Variants in MARCHF2 observed in about 807,000 individuals in gnomAD.
MARCHF2 encodes E3 ubiquitin-protein ligase MARCHF2.
MARCHF2 carries 22 observed loss-of-function variants against 24.0 expected under a neutral mutation model. That is an observed-to-expected ratio of 0.92 (90% CI 0.66 to 1.31). MARCHF2 has a LOEUF of 1.31. MARCHF2 is among the 50% of genes most tolerant of loss of function. MARCHF2 has a pLI of 0.00. For missense variants in MARCHF2, 301 were observed against 335.3 expected (o/e 0.90, Z 0.80); for synonymous variants, 154 against 153.0 (o/e 1.01, Z -0.05).
At chr19:8,416,720 C>T (rs900911850) in intron 1 of MARCHF2, among the ~76,000 whole-genome samples, 7 of 151,952 alleles carry the variant, frequency 4.6e-5, no homozygotes, top group Non-Finnish European at 1.0e-4. Flanking sequence ...GCGCACATCA[C>T]CACACCCGGC....
rs370793050 is a variant in MARCHF2, at chr19:8,421,816, T to C, written c.-25T>C. The C allele has an allele frequency of 2.5e-5, 40 of 1,587,086 alleles. No homozygotes were observed. The highest frequency in any genetic ancestry group is 3.3e-5 in the Non-Finnish European group (38 of 1,165,916). Reference sequence around the variant, plus strand: ...TCCTGGAACCATGGGCCTCAGGCCCTGAGGATACGGGGCTCCCGGTGGCCA... The same window carrying C: ...TCCTGGAACCATGGGCCTCAGGCCCCGAGGATACGGGGCTCCCGGTGGCCA... On this transcript the variant is annotated 5_prime_UTR_variant, in exon 2 of 5. It removes the in-frame stop codon of an upstream open reading frame in the 5' UTR. Transcript: ENST00000215555.
At chr19:8,420,481 A>G (rs1023995547) in intron 1 of MARCHF2, among the ~76,000 whole-genome samples, 1 of 149,160 alleles carries the variant, frequency 6.7e-6, no homozygotes, top group African/African-American at 2.5e-5. Flanking sequence ...GGTTGCAGTG[A>G]GCTGAGATCG....
chr19:8,423,920 C>T lies in MARCHF2; in HGVS notation c.176+1904C>T, dbSNP rs764105493. Among the ~76,000 whole-genome samples, 77 of 145,838 alleles carry T rather than the reference C, an allele frequency of 5.3e-4. 3 individuals carry two copies. Among genetic ancestry groups the T allele is most frequent in the Admixed American group, 2.2e-4 (3 of 13,864 alleles). Reference sequence around the variant, plus strand: ...GGGAGACTGAGGCAGGAGGATCGCTCGAGCTAGGGAGTCCGAGGCTGCAGT... The same window carrying T: ...GGGAGACTGAGGCAGGAGGATCGCTTGAGCTAGGGAGTCCGAGGCTGCAGT... On this transcript the variant is annotated intron_variant, in intron 2 of 4. Coordinates refer to ENST00000215555, the MANE Select transcript of MARCHF2 (RefSeq NM_001005415.2).
intron 4 of MARCHF2, among the ~76,000 whole-genome samples, chr19:8,433,482 G>C (rs1338872509): frequency 6.6e-6 from 1 of 151,860 alleles, no homozygotes; most frequent in African/African-American, 2.4e-5. Flanking sequence ...TTCAAGACCA[G>C]CCTGACTAAC....
rs755249321 is a variant in MARCHF2 at position 8,430,834 on chromosome 19, C to A, written c.549C>A (p.Ile183=). ...LEAVGLIALT[I]ALFTIYVLWT... is the part of the protein sequence containing the mutation. ...CCGTGGGTCTCATTGCCCTCACCAT[C>A]GCCCTCTTCACCATCTATGTCCTCT... is the stretch of plus-strand genomic sequence containing the variant. The change falls in exon 4 of 5, where the codon ATC becomes ATA. Residue 183 remains isoleucine, a synonymous_variant. Coordinates refer to ENST00000215555, the MANE Select transcript of MARCHF2 (RefSeq NM_001005415.2). The surrounding 1 kb of genome is among the most constrained non-coding windows in gnomAD (Gnocchi z 4.4). 3.7e-6 allele frequency: 6 copies of A among 1,610,040 alleles called. No individual in the cohort carries two copies.
intron 2 of MARCHF2, 82 bp downstream of exon 2, chr19:8,422,098 G>T: frequency 6.8e-7 from 1 of 1,467,500 alleles, no homozygotes; most frequent in East Asian, 2.4e-5. Context: ...CCTGGGGTTA[G>T]AAGTCCAACC....
chr19:8,425,303 G>A (rs1256947389), intron 2 of MARCHF2, among the ~76,000 whole-genome samples: 1 of 151,874 alleles, frequency 6.6e-6, no homozygotes, highest in Non-Finnish European at 1.5e-5. Flanking sequence ...GGGAGGCTGA[G>A]GCAGGATAAT....
chr19:8,436,989 ATTTTT>A (rs34972879), intron 4 of MARCHF2, among the ~76,000 whole-genome samples: 1 of 134,636 alleles, frequency 7.4e-6, no homozygotes. Context: ...TGCGCCCAGC[ATTTTT>A]TTTTTTTTTT....
chr19:8,414,682 C>T (rs1967032843), intron 1 of MARCHF2, among the ~76,000 whole-genome samples: 1 of 149,360 alleles, frequency 6.7e-6, no homozygotes, highest in South Asian at 2.1e-4. Flanking sequence ...CCTCTGCCCT[C>T]TGTTTCCTAC....
intron 4 of MARCHF2, 147 bp downstream of exon 4, chr19:8,431,014 C>T (rs1260949471): frequency 2.8e-6 from 2 of 718,774 alleles, no homozygotes; most frequent in Non-Finnish European, 2.3e-6. Flanking sequence ...TCTGAGGTCA[C>T]CCTGCCTCTC....
chr19:8,432,880 A>C (rs1967618406), intron 4 of MARCHF2, among the ~76,000 whole-genome samples: 1 of 151,878 alleles, frequency 6.6e-6, no homozygotes, highest in Non-Finnish European at 1.5e-5. Flanking sequence ...ATAGCCCATG[A>C]GTTCAAGATC....
Position 8,438,917 on chromosome 19 carries a change from G to A in MARCHF2, c.*371G>A, listed in dbSNP as rs182613103. On this transcript the variant is annotated 3_prime_UTR_variant, in exon 5 of 5. Transcript: ENST00000215555. ...AAGCTTCTTGCGCTTCTCTGCACCCGGCAGGCCCACTTTCCTGGCACCCTC... is the reference window on the plus strand; with the variant it reads ...AAGCTTCTTGCGCTTCTCTGCACCCAGCAGGCCCACTTTCCTGGCACCCTC... 212 of 174,258 alleles carry A rather than the reference G, an allele frequency of 1.2e-3. No individual in the cohort carries two copies. The highest frequency in any genetic ancestry group is 2.4e-3 in the Middle Eastern group (1 of 424). 10.8% of individuals were successfully genotyped at this position (174,258 alleles called of 1,614,324 possible). A position where few individuals can be genotyped will look rare whatever the true frequency, so the allele number is the denominator to read the frequency against.
intron 2 of MARCHF2, 74 bp downstream of exon 2, chr19:8,422,090 TG>T: frequency 6.7e-7 from 1 of 1,498,966 alleles, no homozygotes. Context: ...TCTCCCAGCC[TG>T]GGGTTAGAAG....
rs759617999 is a variant in MARCHF2, at chr19:8,426,609, T to G, written c.177T>G (p.Ser59Arg). The G allele has an allele frequency of 1.2e-6, 2 of 1,613,276 alleles. No individual in the cohort carries two copies. Among genetic ancestry groups the G allele is most frequent in the South Asian group, 1.1e-5 (1 of 91,060 alleles). ...TCATGGGTCCTATCTCTGTGTCCAG[T>G]GATGGTCCTTTCTGCCGGATCTGCC... ...STVIRALDTP[S>R]DGPFCRICHE... The change falls in exon 3 of 5, where the codon AGT (serine) becomes AGG (arginine). Residue 59 changes from serine to arginine, a missense_variant and splice_region_variant. By Grantham distance (110) the Ser-to-Arg change is moderately radical (BLOSUM62 -1). Coordinates refer to ENST00000215555, the MANE Select transcript of MARCHF2 (RefSeq NM_001005415.2).
At position 8,438,418 on chromosome 19, in the gene MARCHF2, T is replaced by G; in HGVS notation, c.613T>G (p.Ser205Ala). 1 of 1,613,958 alleles carries G rather than the reference T, an allele frequency of 6.2e-7. No homozygotes were observed. Among genetic ancestry groups the G allele is most frequent in the South Asian group, 1.1e-5 (1 of 91,072 alleles). ...VSFRYHCQLY[S>A]EWRKTNQKVR... ...CTTCCGCTACCACTGCCAGCTGTAC[T>G]CCGAGTGGAGAAAGACCAACCAGAA... Residue 205 changes from serine (S) to alanine (A), a missense_variant, in exon 5 of 5, where the codon TCC becomes GCC. By Grantham distance (99) the Ser-to-Ala change is moderately conservative. Coordinates refer to ENST00000215555, the MANE Select transcript of MARCHF2 (RefSeq NM_001005415.2).
chr19:8,417,686 C>T (rs549782685), intron 1 of MARCHF2, among the ~76,000 whole-genome samples: 1 of 151,928 alleles, frequency 6.6e-6, no homozygotes, highest in South Asian at 2.1e-4. Context: ...GATCCGCCCG[C>T]CTCGGCCTCC....
At chr19:8,425,641 G>A (rs1013907088) in intron 2 of MARCHF2, among the ~76,000 whole-genome samples, 3 of 150,174 alleles carry the variant, frequency 2.0e-5, no homozygotes, top group Non-Finnish European at 3.0e-5. Context: ...TTTTGAGACG[G>A]AGCCTCACTC....
chr19:8,431,484 C>T (rs541604578), intron 4 of MARCHF2, among the ~76,000 whole-genome samples: 21 of 50,610 alleles, frequency 4.1e-4, no homozygotes, highest in Non-Finnish European at 6.0e-4. Flanking sequence ...GTAAAAAGAG[C>T]GAAACTCGAT....
intron 1 of MARCHF2, among the ~76,000 whole-genome samples, chr19:8,414,099 C>T (rs765815690): frequency 4.6e-5 from 7 of 152,088 alleles, no homozygotes; most frequent in Non-Finnish European, 8.8e-5. Flanking sequence ...CCACATTTAC[C>T]CTAAAAAATA....
Sources: gnomAD v4.1 joint callset for allele counts (sites outside exome capture counted in the v4.1 genomes callset) on GRCh38, gnomAD v4.1.1 for gene constraint, Gnocchi (gnomAD v3.1) non-coding constraint, MANE v1.5 for transcripts, NCBI Gene and HGNC (gene_info 2026-07-23, HGNC 2026-07-21) for gene names.